The following PTPRD variants were observed in gnomAD, a reference collection of about 807,000 sequenced individuals.
PTPRD encodes protein tyrosine phosphatase receptor type D, also known as receptor-type tyrosine-protein phosphatase delta.
A neutral mutation model predicts 214.5 loss-of-function variants in PTPRD; 34 were observed. The observed-to-expected ratio is 0.16, with a 90% CI of 0.12 to 0.21. The LOEUF is 0.21. PTPRD is among the 10% of genes least tolerant of loss of function. The probability of loss-of-function intolerance (pLI) is 1.00; values close to 1 mark genes in which losing one functional copy is unlikely to be tolerated. For missense variants in PTPRD, 2,545 were observed against 2,398.7 expected (o/e 1.06, Z -1.27); for synonymous variants, 1,128 against 845.7 (o/e 1.33, Z -5.79).
At chr9:10,042,831 C>A (rs1287794867) in intron 3 of PTPRD, among the ~76,000 whole-genome samples, 1 of 151,724 alleles carries the variant, frequency 6.6e-6, no homozygotes, top group East Asian at 1.9e-4. Context: ...AAAATCTTGA[C>A]AATAATTTAT....
intron 9 of PTPRD, among the ~76,000 whole-genome samples, chr9:9,388,198 T>C (rs2064558968): frequency 1.3e-5 from 2 of 152,144 alleles, no homozygotes; most frequent in South Asian, 4.1e-4. Flanking sequence ...GTCCAGCAAC[T>C]TCTGTCCTTA....
intron 2 of PTPRD, among the ~76,000 whole-genome samples, chr9:10,504,859 A>G (rs768050278): frequency 6.6e-6 from 1 of 152,070 alleles, no homozygotes; most frequent in African/African-American, 2.4e-5. Flanking sequence ...ATCTCTTACT[A>G]TTATATTAGG....
chr9:9,931,390 A>G (rs890225430), intron 5 of PTPRD, among the ~76,000 whole-genome samples: 22 of 152,194 alleles, frequency 1.4e-4, no homozygotes, highest in African/African-American at 5.3e-4. Flanking sequence ...GAGCCGAAGC[A>G]GGGCGAGGCA....
chr9:8,608,658 C>T (rs779728791), intron 14 of PTPRD, among the ~76,000 whole-genome samples: 1 of 152,062 alleles, frequency 6.6e-6, no homozygotes, highest in Non-Finnish European at 1.5e-5. Context: ...TGGAAAATCA[C>T]GGCGTTTAGT....
At chr9:9,991,919 T>C (rs1430474652) in intron 4 of PTPRD, among the ~76,000 whole-genome samples, 1 of 151,120 alleles carries the variant, frequency 6.6e-6, no homozygotes, top group African/African-American at 2.4e-5. Context: ...ACACATTCAG[T>C]AGAGTAATAA....
chr9:8,553,610 T>C (rs1593539238), intron 14 of PTPRD, among the ~76,000 whole-genome samples: 1 of 152,302 alleles, frequency 6.6e-6, no homozygotes, highest in African/African-American at 2.4e-5. Context: ...AACTGGAGTA[T>C]ACCTTTATGA....
chr9:9,549,160 C>A (rs1257861040), intron 8 of PTPRD, among the ~76,000 whole-genome samples: 2 of 151,972 alleles, frequency 1.3e-5, no homozygotes, highest in African/African-American at 4.8e-5. Flanking sequence ...GCTTAAAACT[C>A]GGGCTTAATC....
At chr9:8,943,160 T>C (rs933454351) in intron 11 of PTPRD, among the ~76,000 whole-genome samples, 2 of 152,166 alleles carry the variant, frequency 1.3e-5, no homozygotes, top group African/African-American at 2.4e-5. Flanking sequence ...AGATATTCTA[T>C]GTTCATGGAT....
chr9:8,786,463 G>T (rs963805692), intron 11 of PTPRD, among the ~76,000 whole-genome samples: 11 of 133,670 alleles, frequency 8.2e-5, no homozygotes, highest in African/African-American at 3.2e-4. Context: ...AGCTTGGAGT[G>T]CAGTGGCTCC....
intron 2 of PTPRD, among the ~76,000 whole-genome samples, chr9:10,404,418 T>C (rs2154499612): frequency 6.6e-6 from 1 of 151,770 alleles, no homozygotes; most frequent in South Asian, 2.1e-4. Context: ...TAGTCAAGAG[T>C]TATTGTATCA....
chr9:10,095,264 A>C (rs2098471579), intron 3 of PTPRD, among the ~76,000 whole-genome samples: 1 of 151,436 alleles, frequency 6.6e-6, no homozygotes. Context: ...GTTAAATATA[A>C]ATAAGATAAA....
intron 3 of PTPRD, among the ~76,000 whole-genome samples, chr9:10,254,792 A>G (rs971366714): frequency 1.3e-5 from 2 of 152,200 alleles, no homozygotes; most frequent in African/African-American, 4.8e-5. Flanking sequence ...CAGAATTTCT[A>G]TAAGCTATGC....
chr9:8,954,275 T>C (rs921768139), intron 11 of PTPRD, among the ~76,000 whole-genome samples: 11 of 151,924 alleles, frequency 7.2e-5, no homozygotes, highest in African/African-American at 2.2e-4. Flanking sequence ...TTCTCACTTA[T>C]AGGTGGGAGT....
intron 10 of PTPRD, among the ~76,000 whole-genome samples, chr9:9,075,202 G>A (rs1207235275): frequency 7.9e-5 from 12 of 151,938 alleles, no homozygotes; most frequent in Non-Finnish European, 1.3e-4. Flanking sequence ...TAGGGTACAT[G>A]AGATATTTTG....
intron 9 of PTPRD, among the ~76,000 whole-genome samples, chr9:9,272,432 A>T (rs1460527374): frequency 6.6e-6 from 1 of 151,300 alleles, no homozygotes. Context: ...TTGGGTACTG[A>T]CTTAATATTA....
intron 3 of PTPRD, among the ~76,000 whole-genome samples, chr9:10,191,115 T>A (rs991753786): frequency 4.6e-5 from 7 of 152,100 alleles, no homozygotes; most frequent in African/African-American, 1.7e-4. Flanking sequence ...GTTAATAACA[T>A]CAGGCTGAAA....
chr9:9,379,270 C>T (rs891592371), intron 9 of PTPRD, among the ~76,000 whole-genome samples: 1 of 147,284 alleles, frequency 6.8e-6, no homozygotes, highest in Non-Finnish European at 1.5e-5. Context: ...GTTCAATGTC[C>T]CTCTCCCATT....
chr9:9,603,217 G>A (rs544828881), intron 7 of PTPRD, among the ~76,000 whole-genome samples: 12 of 152,138 alleles, frequency 7.9e-5, no homozygotes, highest in Admixed American at 5.2e-4. Context: ...AGTTGCTGTC[G>A]GAATAGCTTT....
At chr9:9,847,983 G>C (rs2059859608) in intron 5 of PTPRD, among the ~76,000 whole-genome samples, 1 of 152,076 alleles carries the variant, frequency 6.6e-6, no homozygotes, top group Non-Finnish European at 1.5e-5. Context: ...ATCACACAAA[G>C]GCAGTGGCAG....
Sources: allele counts gnomAD v4.1 joint callset (sites outside exome capture counted in the v4.1 genomes callset), GRCh38; gene constraint gnomAD v4.1.1; transcripts MANE v1.5; gene names NCBI Gene and HGNC (gene_info 2026-07-23, HGNC 2026-07-21).